Variants in TLL1 observed in about 807,000 individuals in gnomAD.
TLL1 encodes the protein tolloid-like protein 1.
In TLL1, 49 loss-of-function variants were observed where a neutral mutation model predicts 128.2. The observed-to-expected ratio is 0.38, with a 90% CI of 0.30 to 0.48. The LOEUF (loss-of-function observed/expected upper bound fraction) is 0.48, where lower values mean the gene tolerates loss of function less well. Among genes scored for constraint, TLL1 ranks in the 20% least tolerant of loss-of-function variants. The pLI is 0.96. For missense variants in TLL1, 1,123 were observed against 1,242.0 expected (o/e 0.90, Z 1.44); for synonymous variants, 454 against 418.8 (o/e 1.08, Z -1.03).
intron 2 of TLL1, among the ~76,000 whole-genome samples, chr4:165,990,655 A>G (rs1407247713): frequency 6.6e-6 from 1 of 151,846 alleles, no homozygotes; most frequent in Non-Finnish European, 1.5e-5. Context: ...AGTCAACTGC[A>G]GAAAACGCAC....
At chr4:165,886,784 T>A (rs28649309) in intron 1 of TLL1, among the ~76,000 whole-genome samples, 4,868 of 152,302 alleles carry the variant, frequency 0.032, 213 homozygotes, top group East Asian at 0.14. Flanking sequence ...TATTTTGGAA[T>A]ATTTTCCATC....
intron 1 of TLL1, among the ~76,000 whole-genome samples, chr4:165,981,304 C>A (rs562957261): frequency 2.3e-4 from 35 of 152,154 alleles, no homozygotes; most frequent in Non-Finnish European, 4.9e-4. Context: ...ATAAAATGCA[C>A]AGAAACCTGT....
At chr4:165,953,078 G>T (rs1394112308) in intron 1 of TLL1, among the ~76,000 whole-genome samples, 1 of 152,126 alleles carries the variant, frequency 6.6e-6, no homozygotes, top group African/African-American at 2.4e-5. Flanking sequence ...AGAATAAGAT[G>T]TTAAAAGCAG....
intron 1 of TLL1, among the ~76,000 whole-genome samples, chr4:165,894,984 G>T (rs1410872943): frequency 1.3e-5 from 2 of 151,854 alleles, no homozygotes; most frequent in African/African-American, 2.4e-5. Context: ...TAAACAGATT[G>T]TGTGACCATC....
chr4:166,000,816 C>CA (rs1360799968), intron 5 of TLL1, among the ~76,000 whole-genome samples: 9 of 151,776 alleles, frequency 5.9e-5, no homozygotes, highest in Non-Finnish European at 2.9e-5. Context: ...ATTATTTGAA[C>CA]AAAAAACTAC....
chr4:165,883,038 A>G (rs1306156768), intron 1 of TLL1, among the ~76,000 whole-genome samples: 3 of 152,128 alleles, frequency 2.0e-5, no homozygotes, highest in Non-Finnish European at 4.4e-5. Flanking sequence ...ATTGTAGGAT[A>G]TACTTCCAGT....
At chr4:166,009,637 A>G (rs1471317530) in intron 7 of TLL1, among the ~76,000 whole-genome samples, 1 of 151,468 alleles carries the variant, frequency 6.6e-6, no homozygotes, top group Non-Finnish European at 1.5e-5. Flanking sequence ...TTTACAATAC[A>G]GGAGATCATA....
intron 1 of TLL1, among the ~76,000 whole-genome samples, chr4:165,883,185 T>C (rs771147058): frequency 7.9e-5 from 12 of 152,178 alleles, no homozygotes; most frequent in Non-Finnish European, 1.8e-4. Flanking sequence ...TGTTCTTGTA[T>C]TGAATGGCAC....
At chr4:165,883,591 G>A (rs939012430) in intron 1 of TLL1, among the ~76,000 whole-genome samples, 2 of 152,006 alleles carry the variant, frequency 1.3e-5, no homozygotes, top group African/African-American at 4.8e-5. Context: ...CGCTTTTTCT[G>A]GAACATAACA....
chr4:165,904,506 A>G (rs1450392589), intron 1 of TLL1, among the ~76,000 whole-genome samples: 2 of 152,200 alleles, frequency 1.3e-5, no homozygotes, highest in Non-Finnish European at 2.9e-5. Flanking sequence ...GGCAGGGAAG[A>G]AGGAGGAATT....
At chr4:165,992,994 A>G in intron 3 of TLL1, 110 bp downstream of exon 3, 1 of 920,252 alleles carries the variant, frequency 1.1e-6, no homozygotes, top group Non-Finnish European at 1.7e-6. Flanking sequence ...TGAAGTATGT[A>G]AATGATATAT....
chr4:165,923,637 G>A (rs368987948), intron 1 of TLL1, among the ~76,000 whole-genome samples: 1 of 151,624 alleles, frequency 6.6e-6, no homozygotes, highest in African/African-American at 2.4e-5. Flanking sequence ...GGGTTTCACC[G>A]TATTAGTGAG....
At chr4:165,910,867 C>A (rs1275864447) in intron 1 of TLL1, among the ~76,000 whole-genome samples, 5 of 152,040 alleles carry the variant, frequency 3.3e-5, no homozygotes, top group Non-Finnish European at 7.4e-5. Context: ...GTGATGAAAC[C>A]CAAGCCTGAG....
intron 1 of TLL1, among the ~76,000 whole-genome samples, chr4:165,973,020 C>T (rs968739148): frequency 6.6e-6 from 1 of 152,126 alleles, no homozygotes; most frequent in South Asian, 2.1e-4. Context: ...TTCTCTATTA[C>T]TTAATGCAGG....
chr4:166,064,278 G>A (rs1305339219), intron 15 of TLL1, among the ~76,000 whole-genome samples: 2 of 152,066 alleles, frequency 1.3e-5, no homozygotes, highest in African/African-American at 4.8e-5. Context: ...TGAACTTAGT[G>A]TTGAATGACA....
chr4:166,049,299 T>C (rs1405535260), intron 12 of TLL1, among the ~76,000 whole-genome samples: 1 of 152,218 alleles, frequency 6.6e-6, no homozygotes, highest in Non-Finnish European at 1.5e-5. Context: ...GGTCTAGTAG[T>C]AAAGAGAAGC....
intron 18 of TLL1, among the ~76,000 whole-genome samples, chr4:166,082,865 C>T (rs1373348644): frequency 6.6e-6 from 1 of 151,854 alleles, no homozygotes; most frequent in Non-Finnish European, 1.5e-5. Flanking sequence ...TTTGTAGAGT[C>T]AGCGTTTTGC....
At chr4:166,048,576 G>A (rs1739570214) in intron 12 of TLL1, among the ~76,000 whole-genome samples, 1 of 152,104 alleles carries the variant, frequency 6.6e-6, no homozygotes, top group Non-Finnish European at 1.5e-5. Context: ...TCTCTATTTA[G>A]CAGCAGAGTC....
chr4:165,978,832 C>G (rs1257436998), intron 1 of TLL1, among the ~76,000 whole-genome samples: 1 of 152,152 alleles, frequency 6.6e-6, no homozygotes, highest in African/African-American at 2.4e-5. Context: ...TATTCCTGTC[C>G]CCCTGCCCAT....
Sources: gnomAD v4.1 joint callset for allele counts (sites outside exome capture counted in the v4.1 genomes callset) on GRCh38, gnomAD v4.1.1 for gene constraint, MANE v1.5 for transcripts, NCBI Gene and HGNC (gene_info 2026-07-23, HGNC 2026-07-21) for gene names.